The following ATRX variants were observed in gnomAD, a reference collection of about 807,000 sequenced individuals.
ATRX encodes ATRX chromatin remodeler, also known as chromatin remodeler ATRX.
A neutral mutation model predicts 172.6 loss-of-function variants in ATRX; 12 were observed. The observed-to-expected ratio is 0.07, with a 90% CI of 0.04 to 0.11. The LOEUF (loss-of-function observed/expected upper bound fraction) is 0.11. Among genes scored for constraint, ATRX ranks in the 10% least tolerant of loss-of-function variants. The pLI, the probability that ATRX is intolerant of heterozygous loss-of-function variation, is 1.00. For synonymous variants in ATRX, 674 were observed against 594.7 expected (o/e 1.13, Z -1.94); for missense variants, 1,368 against 1,767.4 (o/e 0.77, Z 4.05).
At chrX:77,591,050 C>A (rs993888838) in intron 26 of ATRX, among the ~76,000 whole-genome samples, 1 of 112,422 alleles carries the variant, frequency 8.9e-6, no homozygotes, top group African/African-American at 3.2e-5. Flanking sequence ...TCTGCAAATT[C>A]CTCATTCTCT....
intron 1 of ATRX, among the ~76,000 whole-genome samples, chrX:77,759,994 GTCATGTCAGTAA>G (rs2075656798): frequency 2.7e-5 from 3 of 111,213 alleles, no homozygotes; most frequent in Non-Finnish European, 5.7e-5. Flanking sequence ...TCCTTTGAGA[GTCATGTCAGTAA>G]TCAAAAAATT....
intron 16 of ATRX, 82 bp from the exon 17 acceptor site, chrX:77,634,785 CA>C (rs2068268798): frequency 2.5e-6 from 2 of 809,527 alleles, no homozygotes; most frequent in Non-Finnish European, 3.7e-6. Context: ...AAAACATAAC[CA>C]AAACTTCTAA....
chrX:77,547,675 A>G (rs782084431), intron 30 of ATRX, among the ~76,000 whole-genome samples: 215 of 111,699 alleles, frequency 1.9e-3, no homozygotes, highest in Non-Finnish European at 3.5e-3. Flanking sequence ...ACCCCTTTCA[A>G]TGTTCTTTGT....
rs138256318 is a variant in ATRX at position 77,682,358 on chromosome X, C to T, written c.2898G>A (p.Glu966=). ...CGCTCTGGTCTTTCTTTAGGAATTT[C>T]TCTGCAATATCAGATAAGCCATCCT... ...KVQDGLSDIA[E]KFLKKDQSDE... The change falls in exon 9 of 35, where the codon GAG becomes GAA. Residue 966 remains glutamate (E), a synonymous_variant. Transcript: ENST00000373344. 2.5e-6 allele frequency: 3 copies of T among 1,210,498 alleles called. No homozygotes were observed. Among genetic ancestry groups the T allele is most frequent in the Non-Finnish European group, 3.4e-6 (3 of 894,997 alleles).
chrX:77,698,695 C>A (rs190785821), intron 2 of ATRX, 66 bp from the exon 3 acceptor site: 1 of 901,713 alleles, frequency 1.1e-6, no homozygotes, highest in East Asian at 3.1e-5. Context: ...AACATCAATA[C>A]CTATAACTCC....
intron 2 of ATRX, among the ~76,000 whole-genome samples, chrX:77,716,316 AAAAAAAAATATAT>A (rs1281365118): frequency 6.6e-5 from 4 of 60,652 alleles, no homozygotes; most frequent in Non-Finnish European, 9.7e-5. Context: ...AAAAAAAAAA[AAAAAAAAATATAT>A]ATATATATAT....
At chrX:77,712,938 C>G (rs1253015022) in intron 2 of ATRX, among the ~76,000 whole-genome samples, 1 of 111,384 alleles carries the variant, frequency 9.0e-6, no homozygotes, top group Non-Finnish European at 1.9e-5. Context: ...ATCATGAAGT[C>G]AAGAGATCAA....
In ATRX at chrX:77,739,798, C is replaced by T. The variant is rs111586039; in HGVS notation, c.21-22555G>A. Among the ~76,000 whole-genome samples, 223 of 109,266 alleles carry T rather than the reference C, an allele frequency of 2.0e-3. 2 individuals carry two copies. The highest frequency in any genetic ancestry group is 6.9e-3 in the African/African-American group (207 of 30,082). The allele number at this position is 109,266 out of a possible 115,157, so 94.9% of individuals were successfully genotyped here. A position where few individuals can be genotyped will look rare whatever the true frequency, so the allele number is the denominator to read the frequency against. Reference sequence around the variant, plus strand: ...GGCAAGGTGGCTCATACTTGTAATCCCAGCACTTTGGGAGGCCGAGGTGGG... The same window carrying T: ...GGCAAGGTGGCTCATACTTGTAATCTCAGCACTTTGGGAGGCCGAGGTGGG... On this transcript the variant is annotated intron_variant, in intron 1 of 34. Transcript: ENST00000373344.
At chrX:77,680,955 G>T (rs1445594036) in intron 9 of ATRX, among the ~76,000 whole-genome samples, 1 of 111,326 alleles carries the variant, frequency 9.0e-6, no homozygotes, top group African/African-American at 3.3e-5. Flanking sequence ...GCTAATGTTT[G>T]GATTTTCTTC....
At chrX:77,642,764 T>C (rs1278009149) in intron 15 of ATRX, among the ~76,000 whole-genome samples, 2 of 111,753 alleles carry the variant, frequency 1.8e-5, no homozygotes, top group Admixed American at 9.5e-5. Flanking sequence ...AAGTAGAAAC[T>C]TTCTGAACCA....
intron 2 of ATRX, among the ~76,000 whole-genome samples, chrX:77,710,127 C>G (rs148849973): frequency 9.1e-6 from 1 of 109,375 alleles, no homozygotes. Context: ...GGTGAAACCT[C>G]GTCTCTACTA....
At chrX:77,600,701 G>A (rs1332442825) in intron 22 of ATRX, 137 bp from the exon 23 acceptor site, 11 of 603,625 alleles carry the variant, frequency 1.8e-5, no homozygotes, top group Admixed American at 1.6e-4. Context: ...TTGGAATATC[G>A]TTTTGAAACA....
chrX:77,765,734 C>T (rs1441153833), intron 1 of ATRX, among the ~76,000 whole-genome samples: 3 of 105,439 alleles, frequency 2.8e-5, no homozygotes, highest in Non-Finnish European at 5.8e-5. Context: ...GGGTGTTTCT[C>T]GCAGAGGGGG....
intron 1 of ATRX, among the ~76,000 whole-genome samples, chrX:77,729,124 C>CA (rs782218800): frequency 0.092 from 2,943 of 32,029 alleles, 121 homozygotes; most frequent in African/African-American, 0.21. Context: ...CTCACAAAAG[C>CA]AAAAAAAAAA....
intron 34 of ATRX, among the ~76,000 whole-genome samples, chrX:77,518,372 GA>G (rs1187952376): frequency 1.8e-5 from 2 of 111,883 alleles, no homozygotes; most frequent in African/African-American, 6.5e-5. Context: ...TGAATAATCT[GA>G]AAAAGAAATT....
chrX:77,619,752 AAC>A (rs1231020280), intron 20 of ATRX, among the ~76,000 whole-genome samples: 2 of 112,103 alleles, frequency 1.8e-5, no homozygotes, highest in African/African-American at 6.5e-5. Flanking sequence ...AAAGGAATGT[AAC>A]ACAGAGAAAA....
chrX:77,629,488 T>C (rs2148319871), intron 19 of ATRX, among the ~76,000 whole-genome samples: 1 of 111,986 alleles, frequency 8.9e-6, no homozygotes, highest in East Asian at 2.8e-4. Flanking sequence ...TAGAATATTC[T>C]TGTTGCAGAT....
intron 1 of ATRX, among the ~76,000 whole-genome samples, chrX:77,767,093 G>A (rs782505178): frequency 4.0e-4 from 45 of 111,672 alleles, no homozygotes; most frequent in East Asian, 8.6e-4. Context: ...GGTGGCGCGC[G>A]CCTGCAATCG....
At chrX:77,636,762 CAA>C (rs538959246) in intron 15 of ATRX, among the ~76,000 whole-genome samples, 12 of 75,418 alleles carry the variant, frequency 1.6e-4, no homozygotes, top group Admixed American at 3.3e-4. Flanking sequence ...GTTGCTATGC[CAA>C]AAAAAAAAAA....
Sources: gnomAD v4.1 joint callset for allele counts (sites outside exome capture counted in the v4.1 genomes callset) on GRCh38, gnomAD v4.1.1 for gene constraint, MANE v1.5 for transcripts, NCBI Gene and HGNC (gene_info 2026-07-23, HGNC 2026-07-21) for gene names.